The following RBFOX1 variants were observed in gnomAD, a reference collection of about 807,000 sequenced individuals.
RBFOX1 encodes the protein RNA binding protein fox-1 homolog 1.
A neutral mutation model predicts 57.7 loss-of-function variants in RBFOX1; 8 were observed. The ratio of observed to expected loss-of-function variants is 0.14; its 90% CI spans 0.08 to 0.25. RBFOX1 has a LOEUF of 0.25. RBFOX1 is among the 10% of genes least tolerant of loss of function. The probability of loss-of-function intolerance (pLI) is 1.00; values close to 1 mark genes in which losing one functional copy is unlikely to be tolerated. For missense variants in RBFOX1, 611 were observed against 548.5 expected, an observed-to-expected ratio of 1.11 and a Z score of -1.14; for synonymous variants, 326 against 222.4, an observed-to-expected ratio of 1.47 and a Z score of -4.15.
chr16:6,388,644 G>A (rs986813558), intron 2 of RBFOX1, among the ~76,000 whole-genome samples: 2 of 152,140 alleles, frequency 1.3e-5, no homozygotes, highest in African/African-American at 4.8e-5. Context: ...GTAGGCTGAG[G>A]TGGGAGAATT....
chr16:6,546,947 A>G (rs537345277), intron 2 of RBFOX1, among the ~76,000 whole-genome samples: 4 of 152,314 alleles, frequency 2.6e-5, no homozygotes, highest in African/African-American at 4.8e-5. Flanking sequence ...TGGTCCGTAG[A>G]TTCAATTAAC....
At chr16:5,862,204 G>A (rs1319688276) in intron 3 of RBFOX1, among the ~76,000 whole-genome samples, 3 of 152,212 alleles carry the variant, frequency 2.0e-5, no homozygotes, top group Admixed American at 1.3e-4. Flanking sequence ...TCATGTGAAT[G>A]ACTAGCAACA....
chr16:5,805,284 A>G (rs2055189693), intron 3 of RBFOX1, among the ~76,000 whole-genome samples: 1 of 152,150 alleles, frequency 6.6e-6, no homozygotes, highest in African/African-American at 2.4e-5. Context: ...TCATTTATTT[A>G]TTTACTCATT....
At chr16:7,109,383 G>A (rs1046196009) in intron 4 of RBFOX1, among the ~76,000 whole-genome samples, 2 of 152,116 alleles carry the variant, frequency 1.3e-5, no homozygotes, top group Non-Finnish European at 2.9e-5. Flanking sequence ...TACTGCCAAT[G>A]AGATTATTGA....
chr16:6,116,762 A>G (rs2096499717), intron 1 of RBFOX1, among the ~76,000 whole-genome samples: 1 of 152,220 alleles, frequency 6.6e-6, no homozygotes, highest in African/African-American at 2.4e-5. Flanking sequence ...GGGAGAAAAC[A>G]GAACTCCCGT....
intron 2 of RBFOX1, among the ~76,000 whole-genome samples, chr16:6,564,101 T>A (rs893905938): frequency 6.6e-5 from 10 of 152,122 alleles, no homozygotes; most frequent in African/African-American, 2.4e-4. Context: ...GATGTTCTTG[T>A]AGCCTACACT....
At chr16:6,660,773 TG>T (rs5815340) in intron 3 of RBFOX1, among the ~76,000 whole-genome samples, 59,833 of 152,004 alleles carry the variant, frequency 0.39, 13,081 homozygotes, top group Middle Eastern at 0.51. Flanking sequence ...TTTTTATTTT[TG>T]CTGGTATCCA....
chr16:6,179,958 C>A (rs1169967954), intron 1 of RBFOX1, among the ~76,000 whole-genome samples: 3 of 152,066 alleles, frequency 2.0e-5, no homozygotes, highest in African/African-American at 7.2e-5. Flanking sequence ...TTGTCAAATT[C>A]TTTTTCTGCA....
rs2060984786 is a variant in RBFOX1, at chr16:6,871,963, T to TG, written c.-15-180094_-15-180093insG. Among the ~76,000 whole-genome samples the TG allele has an allele frequency of 3.2e-4, 31 of 98,250 alleles. 1 individual carries two copies. In the South Asian group the frequency reaches 0.01, roughly 33 times the overall value. 64.5% of individuals were successfully genotyped at this position (98,250 alleles called of 152,430 possible). A position where few individuals can be genotyped will look rare whatever the true frequency, so the allele number is the denominator to read the frequency against. On this transcript the variant is annotated intron_variant, in intron 3 of 15. Coordinates refer to ENST00000550418, the MANE Select transcript of RBFOX1 (RefSeq NM_018723.4). ...TGTGTGTGTGTGTGTGTGTGTGTGT[T>TG]TCCCTCGGTAGAGTATGGGGATCTC...
intron 2 of RBFOX1, among the ~76,000 whole-genome samples, chr16:6,492,032 G>T (rs1452016275): frequency 6.6e-6 from 1 of 152,138 alleles, no homozygotes; most frequent in Non-Finnish European, 1.5e-5. Context: ...TAGACATATA[G>T]ACTGAGTAGT....
In RBFOX1 at chr16:6,954,379, C is replaced by T. The variant is rs1363698533; in HGVS notation, c.-15-97678C>T. 1.3e-4 allele frequency among the ~76,000 whole-genome samples: 20 copies of T among 152,108 alleles called. No homozygotes were observed. In the East Asian group the frequency reaches 2.3e-3, roughly 18 times the overall value. On this transcript the variant is annotated intron_variant, in intron 3 of 15. Coordinates refer to ENST00000550418, the MANE Select transcript of RBFOX1 (RefSeq NM_018723.4). ...ACGGTCTTCCATCCATTAGTAGTTC[C>T]GGCATGCATAGATGTGTCCCTCGTT... is the stretch of plus-strand genomic sequence containing the variant.
At chr16:5,424,746 G>C (rs976179338) in intron 1 of RBFOX1, among the ~76,000 whole-genome samples, 7 of 151,964 alleles carry the variant, frequency 4.6e-5, no homozygotes, top group African/African-American at 1.7e-4. Flanking sequence ...TATTGTTGGG[G>C]TTTGGTGTAT....
chr16:6,289,147 G>A (rs2077197062), intron 1 of RBFOX1, among the ~76,000 whole-genome samples: 1 of 152,124 alleles, frequency 6.6e-6, no homozygotes, highest in African/African-American at 2.4e-5. Flanking sequence ...TTAGTGATGG[G>A]GATGATCTTT....
At chr16:6,882,511 C>A (rs932283070) in intron 3 of RBFOX1, among the ~76,000 whole-genome samples, 8 of 151,990 alleles carry the variant, frequency 5.3e-5, no homozygotes, top group African/African-American at 1.9e-4. Context: ...GGAGAATCAC[C>A]TGAACTTAGG....
intron 3 of RBFOX1, among the ~76,000 whole-genome samples, chr16:5,614,517 A>G (rs911598068): frequency 3.3e-5 from 5 of 152,328 alleles, no homozygotes; most frequent in Admixed American, 6.5e-5. Flanking sequence ...ACTTTTGTCT[A>G]TCAGGCTCCT....
At chr16:5,991,534 G>A (rs1348955000) in intron 4 of RBFOX1, among the ~76,000 whole-genome samples, 3 of 152,146 alleles carry the variant, frequency 2.0e-5, no homozygotes, top group African/African-American at 7.2e-5. Flanking sequence ...ACCATGCATC[G>A]TGGCTGGATA....
chr16:5,745,024 C>A (rs9930907), intron 3 of RBFOX1, among the ~76,000 whole-genome samples: 69,917 of 151,868 alleles, frequency 0.46, 16,373 homozygotes, highest in East Asian at 0.59. Context: ...TACGTGTGCC[C>A]TGTTGGTGTG....
intron 4 of RBFOX1, among the ~76,000 whole-genome samples, chr16:7,200,087 A>T (rs1461245332): frequency 3.3e-5 from 5 of 152,258 alleles, no homozygotes; most frequent in Admixed American, 2.6e-4. Context: ...CATAATACAT[A>T]ATAGTGTCAG....
chr16:6,409,991 C>T lies in RBFOX1; in HGVS notation c.-64+92934C>T, dbSNP rs1281431070. Among the ~76,000 whole-genome samples, 8 of 152,132 alleles carry T rather than the reference C, an allele frequency of 5.3e-5. No individual in the cohort carries two copies. In the East Asian group the frequency reaches 5.8e-4, roughly 11 times the overall value. On this transcript the variant is annotated intron_variant, in intron 2 of 15. Coordinates refer to ENST00000550418, the MANE Select transcript of RBFOX1 (RefSeq NM_018723.4). ...CACTGCCAGAGGCTGCTTGCTTTAC[C>T]TGTCTTGCCTGTTCAATTTGTCCTC...
Sources: allele counts gnomAD v4.1 joint callset (sites outside exome capture counted in the v4.1 genomes callset), GRCh38; gene constraint gnomAD v4.1.1; transcripts MANE v1.5; gene names NCBI Gene and HGNC (gene_info 2026-07-23, HGNC 2026-07-21).